The following BNC2 variants were observed in gnomAD, a reference collection of about 807,000 sequenced individuals.
The protein encoded by BNC2 is zinc finger protein basonuclin-2.
BNC2 carries 20 observed loss-of-function variants against 76.3 expected under a neutral mutation model. The ratio of observed to expected loss-of-function variants is 0.26; its 90% CI spans 0.18 to 0.38. The LOEUF is 0.38. Ranked by LOEUF, BNC2 falls within the 10% of genes least tolerant of loss-of-function variation. BNC2 has a pLI of 1.00. For synonymous variants in BNC2, 582 were observed against 514.8 expected, an observed-to-expected ratio of 1.13 and a Z score of -1.77; for missense variants, 1,382 against 1,399.8, an observed-to-expected ratio of 0.99 and a Z score of 0.20.
intron 5 of BNC2, among the ~76,000 whole-genome samples, chr9:16,527,360 C>T (rs1817836619): frequency 1.3e-5 from 2 of 152,198 alleles, no homozygotes; most frequent in African/African-American, 2.4e-5. Context: ...GTCATCTTCA[C>T]CACCCATCTT....
intron 5 of BNC2, among the ~76,000 whole-genome samples, chr9:16,500,474 C>G (rs1314541571): frequency 2.0e-5 from 3 of 152,026 alleles, no homozygotes; most frequent in African/African-American, 4.8e-5. Flanking sequence ...ACCCAAAACA[C>G]ATAAATAAAA....
intron 3 of BNC2, among the ~76,000 whole-genome samples, chr9:16,616,688 CAAA>C (rs112502957): frequency 1.4e-5 from 1 of 73,772 alleles, no homozygotes; most frequent in African/African-American, 4.9e-5. Flanking sequence ...GATCCTCTCT[CAAA>C]AAAAAAAAAA....
intron 2 of BNC2, chr9:16,728,318 C>A: frequency 2.4e-6 from 1 of 425,388 alleles, no homozygotes; most frequent in Non-Finnish European, 4.4e-6. Flanking sequence ...CTGCACTGTT[C>A]CACTGTCAGG....
chr9:16,626,678 A>AAC (rs113705597), intron 3 of BNC2, among the ~76,000 whole-genome samples: 2,094 of 149,848 alleles, frequency 0.014, 36 homozygotes, highest in African/African-American at 0.039. Flanking sequence ...GTAAAAGGCA[A>AAC]ACACACACAC....
chr9:16,738,343 A>T lies in BNC2; in HGVS notation c.129+17T>A. 6.2e-7 allele frequency: 1 copy of T among 1,613,378 alleles called. No individual in the cohort carries two copies. The highest frequency in any genetic ancestry group is 8.5e-7 in the Non-Finnish European group (1 of 1,179,562). ...GTGTCCAAGTAACTTAAAGGGGGAA[A>T]AAAAAAACCAACATACCTCAATTTG... On this transcript the variant is annotated intron_variant, in intron 2 of 6. Transcript: ENST00000380672.
intron 1 of BNC2, among the ~76,000 whole-genome samples, chr9:16,778,716 C>T (rs772488177): frequency 1.3e-5 from 2 of 152,172 alleles, no homozygotes; most frequent in East Asian, 1.9e-4. Context: ...AGGCTTCAAA[C>T]GAGATCCTTA....
At chr9:16,537,846 A>T (rs1019623242) in intron 5 of BNC2, among the ~76,000 whole-genome samples, 41 of 152,150 alleles carry the variant, frequency 2.7e-4, no homozygotes, top group African/African-American at 9.7e-4. Flanking sequence ...CAAGTGAATA[A>T]ATCATACGTG....
At chr9:16,456,420 T>C (rs1332261970) in intron 5 of BNC2, among the ~76,000 whole-genome samples, 1 of 150,334 alleles carries the variant, frequency 6.7e-6, no homozygotes, top group Non-Finnish European at 1.5e-5. Context: ...AAAATCAGAG[T>C]CCTGGGAGGC....
At chr9:16,600,091 G>A (rs1405944520) in intron 3 of BNC2, among the ~76,000 whole-genome samples, 1 of 152,104 alleles carries the variant, frequency 6.6e-6, no homozygotes, top group Non-Finnish European at 1.5e-5. Flanking sequence ...ATCCAAGAGG[G>A]GCCCTACATT....
At chr9:16,545,241 G>C (rs543837765) in intron 5 of BNC2, among the ~76,000 whole-genome samples, 1 of 152,156 alleles carries the variant, frequency 6.6e-6, no homozygotes, top group Non-Finnish European at 1.5e-5. Context: ...TGAAATCCAG[G>C]ATTTAAGGCT....
intron 5 of BNC2, among the ~76,000 whole-genome samples, chr9:16,460,450 C>T (rs1479554945): frequency 2.6e-5 from 4 of 152,112 alleles, no homozygotes. Context: ...TGGTGAAACC[C>T]CGTCTCTACT....
chr9:16,484,376 G>C (rs1024984847), intron 5 of BNC2, among the ~76,000 whole-genome samples: 2 of 152,152 alleles, frequency 1.3e-5, no homozygotes, highest in Admixed American at 1.3e-4. Context: ...GCTTTCATTT[G>C]TCTACAACTG....
At chr9:16,679,847 G>A (rs1368818070) in intron 3 of BNC2, among the ~76,000 whole-genome samples, 3 of 152,248 alleles carry the variant, frequency 2.0e-5, no homozygotes, top group Non-Finnish European at 4.4e-5. Flanking sequence ...TAACCTTGTT[G>A]TTTTATAAAA....
At chr9:16,527,505 C>A (rs1312727860) in intron 5 of BNC2, among the ~76,000 whole-genome samples, 1 of 152,104 alleles carries the variant, frequency 6.6e-6, no homozygotes, top group Non-Finnish European at 1.5e-5. Context: ...TTGTGAAGCC[C>A]ACCAACACAA....
At chr9:16,561,533 A>T (rs900071176) in intron 4 of BNC2, among the ~76,000 whole-genome samples, 33 of 151,432 alleles carry the variant, frequency 2.2e-4, no homozygotes, top group Non-Finnish European at 8.8e-5. Flanking sequence ...TCTAAAACTG[A>T]TCCACTTGAG....
chr9:16,758,237 C>CA, intron 1 of BNC2, among the ~76,000 whole-genome samples: 1 of 152,328 alleles, frequency 6.6e-6, no homozygotes, highest in Middle Eastern at 3.4e-3. Context: ...GAAAAGTTCT[C>CA]AGCTTTTAAT....
At chr9:16,615,351 C>T (rs971845726) in intron 3 of BNC2, among the ~76,000 whole-genome samples, 1 of 152,064 alleles carries the variant, frequency 6.6e-6, no homozygotes, top group African/African-American at 2.4e-5. Context: ...CCTTGACATA[C>T]TGAATATTTA....
intron 3 of BNC2, among the ~76,000 whole-genome samples, chr9:16,650,788 T>G (rs1015012829): frequency 6.6e-6 from 1 of 152,164 alleles, no homozygotes; most frequent in African/African-American, 2.4e-5. Context: ...AAAAAATTAT[T>G]CACAAAGCTA....
At chr9:16,720,990 G>A (rs928972580) in intron 3 of BNC2, among the ~76,000 whole-genome samples, 4 of 152,146 alleles carry the variant, frequency 2.6e-5, no homozygotes, top group Non-Finnish European at 4.4e-5. Context: ...TTCCTACAGG[G>A]AACGCACAAA....
Sources: allele counts gnomAD v4.1 joint callset (sites outside exome capture counted in the v4.1 genomes callset), GRCh38; gene constraint gnomAD v4.1.1; transcripts MANE v1.5; gene names NCBI Gene and HGNC (gene_info 2026-07-23, HGNC 2026-07-21).